XRCC5: variants seen among roughly 807,000 people sequenced by gnomAD.
XRCC5 encodes X-ray repair cross complementing 5, also known as DNA repair protein Ku80.
XRCC5 carries 12 observed loss-of-function variants against 95.7 expected under a neutral mutation model. The observed-to-expected ratio is 0.13, with a 90% CI of 0.08 to 0.20. The LOEUF is 0.20. Ranked by LOEUF, XRCC5 falls within the 10% of genes least tolerant of loss-of-function variation. The probability of loss-of-function intolerance (pLI) is 1.00; values close to 1 mark genes in which losing one functional copy is unlikely to be tolerated. For missense variants in XRCC5, 595 were observed against 873.9 expected, an observed-to-expected ratio of 0.68 and a Z score of 4.02; for synonymous variants, 281 against 290.3, an observed-to-expected ratio of 0.97 and a Z score of 0.33.
chr2:216,168,787 A>T (rs1461137489), intron 16 of XRCC5, among the ~76,000 whole-genome samples: 1 of 152,252 alleles, frequency 6.6e-6, no homozygotes, highest in Admixed American at 6.5e-5. Flanking sequence ...TAGCAAGGCC[A>T]AGTGGACCCT....
At position 216,199,470 on chromosome 2, in the gene XRCC5, C is replaced by G. The variant is rs571076856; in HGVS notation, c.2109+4484C>G. 6.6e-5 allele frequency among the ~76,000 whole-genome samples: 10 copies of G among 152,330 alleles called. No individual in the cohort carries two copies. In the East Asian group the frequency reaches 1.9e-3, roughly 29 times the overall value. ...CTTTCTTTTAAGTTTCCTGGTACCT[C>G]TCATTTCATTTTGAAACCTAGGCAT... On this transcript the variant is annotated intron_variant, in intron 19 of 20. Coordinates refer to ENST00000392132, the MANE Select transcript of XRCC5 (RefSeq NM_021141.4).
chr2:216,143,576 T>A (rs114522980), intron 13 of XRCC5, among the ~76,000 whole-genome samples: 2,255 of 152,294 alleles, frequency 0.015, 53 homozygotes, highest in African/African-American at 0.05. Flanking sequence ...GTTTGTTTTG[T>A]GGGGGAGAGT....
intron 17 of XRCC5, among the ~76,000 whole-genome samples, chr2:216,191,198 A>C (rs41302522): frequency 3.0e-4 from 46 of 152,302 alleles, no homozygotes; most frequent in Non-Finnish European, 6.6e-4. Context: ...GTTCAATGGA[A>C]AGAGATAGTA....
chr2:216,132,950 T>C (rs552534714), intron 10 of XRCC5, among the ~76,000 whole-genome samples: 2 of 152,348 alleles, frequency 1.3e-5, no homozygotes, highest in African/African-American at 4.8e-5. Context: ...ACTGGAAGAT[T>C]GCAATCTACT....
chr2:216,203,718 T>G (rs968741007), intron 19 of XRCC5, among the ~76,000 whole-genome samples: 1 of 152,220 alleles, frequency 6.6e-6, no homozygotes, highest in African/African-American at 2.4e-5. Context: ...TAACACAAAT[T>G]GAAAGATTTC....
At chr2:216,153,077 G>C (rs1688775166) in intron 14 of XRCC5, among the ~76,000 whole-genome samples, 1 of 152,074 alleles carries the variant, frequency 6.6e-6, no homozygotes, top group African/African-American at 2.4e-5. Context: ...CCAGAAGCCA[G>C]GCTCTTGGAA....
intron 10 of XRCC5, among the ~76,000 whole-genome samples, chr2:216,135,114 T>A (rs1697053561): frequency 6.6e-6 from 1 of 152,126 alleles, no homozygotes; most frequent in Non-Finnish European, 1.5e-5. Flanking sequence ...TTTGTTTGTT[T>A]GTTTTGTTTT....
rs1314113423 is a variant in XRCC5, at chr2:216,162,078, G to C, written c.1834+30G>C. 4.4e-6 allele frequency: 7 copies of C among 1,593,772 alleles called. No individual in the cohort carries two copies. In the African/African-American group the frequency reaches 9.4e-5, roughly 21 times the overall value. On this transcript the variant is annotated intron_variant, in intron 16 of 20. Transcript: ENST00000392132. ...GTGGTTGACTTTGCATTTAGGAGAA[G>C]CTGTTTAGTTAAGCTAACTAATTTA...
At chr2:216,147,278 A>T (rs1271978999) in intron 13 of XRCC5, among the ~76,000 whole-genome samples, 1 of 152,158 alleles carries the variant, frequency 6.6e-6, no homozygotes. Context: ...AGCTTGGTGT[A>T]TGAGCGAAGC....
chr2:216,180,952 T>A (rs1032196047), intron 16 of XRCC5, among the ~76,000 whole-genome samples: 3 of 151,878 alleles, frequency 2.0e-5, no homozygotes, highest in Admixed American at 6.6e-5. Context: ...TAGCTGGGAT[T>A]ACAGGCATGC....
At chr2:216,182,333 A>C (rs1394195032) in intron 16 of XRCC5, among the ~76,000 whole-genome samples, 2 of 152,168 alleles carry the variant, frequency 1.3e-5, no homozygotes, top group African/African-American at 4.8e-5. Context: ...GGTATCTTCT[A>C]CTTACTTCCT....
Position 216,119,023 on chromosome 2 carries a change from A to G in XRCC5, c.369-20A>G. ...TAATTCAGGAGAATGATTTCTTAATATGATAACTCTCTCTTTTAGAGGAAA... is the reference window on the plus strand; with the variant it reads ...TAATTCAGGAGAATGATTTCTTAATGTGATAACTCTCTCTTTTAGAGGAAA... On this transcript the variant is annotated intron_variant, in intron 4 of 20. Coordinates refer to ENST00000392132, the MANE Select transcript of XRCC5 (RefSeq NM_021141.4). The G allele has an allele frequency of 6.2e-7, 1 of 1,610,756 alleles. No individual in the cohort carries two copies. The highest frequency in any genetic ancestry group is 8.5e-7 in the Non-Finnish European group (1 of 1,177,718).
chr2:216,194,150 C>T (rs1484436970), intron 18 of XRCC5, among the ~76,000 whole-genome samples: 1 of 152,252 alleles, frequency 6.6e-6, no homozygotes. Flanking sequence ...CTATGTTCTA[C>T]AGTAAGTCCT....
At chr2:216,189,669 A>G (rs1223551795) in intron 16 of XRCC5, among the ~76,000 whole-genome samples, 1 of 152,242 alleles carries the variant, frequency 6.6e-6, no homozygotes, top group Non-Finnish European at 1.5e-5. Context: ...GTAGATAGCA[A>G]TGATTTCTCA....
Position 216,148,111 on chromosome 2 carries a change from G to A in XRCC5, c.1505G>A (p.Arg502Gln), listed in dbSNP as rs548351594. Residue 502 changes from arginine (R) to glutamine (Q), a missense_variant, in exon 14 of 21, where the codon CGG becomes CAG. Arg to Gln is a conservative substitution (Grantham distance 43, BLOSUM62 1). Transcript: ENST00000392132. The part of the protein sequence containing the change: ...QCLLHRALHP[R>Q]EPLPPIQQHI... ...CTGCTGCACAGAGCTTTACATCCCC[G>A]GGAGCCTCTACCCCCAATTCAGCAG... 6.8e-6 allele frequency: 11 copies of A among 1,613,576 alleles called. No homozygotes were observed. Among genetic ancestry groups the A allele is most frequent in the African/African-American group, 2.7e-5 (2 of 74,970 alleles).
intron 19 of XRCC5, among the ~76,000 whole-genome samples, chr2:216,195,827 A>G (rs576239045): frequency 9.8e-5 from 15 of 152,348 alleles, no homozygotes; most frequent in African/African-American, 3.1e-4. Flanking sequence ...TTTCAGTTAC[A>G]GTCACTGACT....
chr2:216,132,904 A>G (rs1459649650), intron 10 of XRCC5, among the ~76,000 whole-genome samples: 2 of 152,292 alleles, frequency 1.3e-5, no homozygotes, highest in East Asian at 3.9e-4. Flanking sequence ...TTTGATCTCC[A>G]AGTTAGAACT....
intron 15 of XRCC5, among the ~76,000 whole-genome samples, chr2:216,161,657 A>G (rs1336566318): frequency 2.0e-5 from 3 of 152,214 alleles, no homozygotes; most frequent in Non-Finnish European, 4.4e-5. Flanking sequence ...GTGACAGGAT[A>G]TACAGGCAGT....
At chr2:216,193,312 G>GC (rs1350744226) in intron 18 of XRCC5, among the ~76,000 whole-genome samples, 1 of 151,910 alleles carries the variant, frequency 6.6e-6, no homozygotes, top group Non-Finnish European at 1.5e-5. Flanking sequence ...CATGCCCTTT[G>GC]CCCCACCTTT....
Sources: gnomAD v4.1 joint callset for allele counts (sites outside exome capture counted in the v4.1 genomes callset) on GRCh38, gnomAD v4.1.1 for gene constraint, MANE v1.5 for transcripts, NCBI Gene and HGNC (gene_info 2026-07-23, HGNC 2026-07-21) for gene names.